IQCH: variants seen among roughly 807,000 people sequenced by gnomAD.
IQCH encodes the protein IQ domain-containing protein H.
IQCH carries 98 observed loss-of-function variants against 117.0 expected under a neutral mutation model. The observed-to-expected ratio is 0.84, with a 90% CI of 0.71 to 0.99. The LOEUF (loss-of-function observed/expected upper bound fraction) is 0.99, where lower values mean the gene tolerates loss of function less well. Ranked by LOEUF, IQCH falls within the 50% of genes least tolerant of loss-of-function variation. The pLI is 0.00. For missense variants in IQCH, 1,102 were observed against 1,243.8 expected, an observed-to-expected ratio of 0.89 and a Z score of 1.72; for synonymous variants, 412 against 448.2, an observed-to-expected ratio of 0.92 and a Z score of 1.02.
intron 4 of IQCH, among the ~76,000 whole-genome samples, chr15:67,299,286 G>T (rs1217738934): frequency 6.6e-6 from 1 of 151,934 alleles, no homozygotes; most frequent in Admixed American, 6.6e-5. Context: ...GTAGTGCGGG[G>T]CTTGGGGAGA....
intron 16 of IQCH, among the ~76,000 whole-genome samples, chr15:67,428,673 A>G (rs1320444574): frequency 6.6e-6 from 1 of 151,914 alleles, no homozygotes; most frequent in African/African-American, 2.4e-5. Flanking sequence ...ATATGGTGAA[A>G]CCCCATCTCT....
chr15:67,357,395 T>C lies in IQCH; in HGVS notation c.688T>C (p.Phe230Leu), dbSNP rs1969935240. 1 of 1,609,342 alleles carries C rather than the reference T, an allele frequency of 6.2e-7. No homozygotes were observed. Among genetic ancestry groups the C allele is most frequent in the Admixed American group, 1.7e-5 (1 of 60,006 alleles). The stretch of plus-strand genomic sequence containing the variant: ...ACCTCCATCTCCAGCAGAAGTGAAG[T>C]TCTTTCCCAAGAAACAAAGATCAAA... ...EPPPSPAEVK[F>L]FPKKQRSKGK... The change falls in exon 7 of 21, where the codon TTC (phenylalanine) becomes CTC (leucine). Residue 230 changes from phenylalanine (F) to leucine (L), a missense_variant. Phe to Leu is a conservative substitution (Grantham distance 22). Transcript: ENST00000335894.
Position 67,392,064 on chromosome 15 carries a change from G to T in IQCH, c.1632+3058G>T, listed in dbSNP as rs139085841. Among the ~76,000 whole-genome samples the T allele has an allele frequency of 3.3e-3, 501 of 152,264 alleles. 2 individuals carry two copies. Among genetic ancestry groups the T allele is most frequent in the Non-Finnish European group, 5.9e-3 (403 of 68,016 alleles). ...AGTGGCATGCCAACTGTGTTAACGG[G>T]GTTTGAATCCTGCCTCTGCTGTTTA... On this transcript the variant is annotated intron_variant, in intron 12 of 20. Coordinates refer to ENST00000335894, the MANE Select transcript of IQCH (RefSeq NM_001031715.3).
chr15:67,428,380 T>C (rs1014869413), intron 16 of IQCH, among the ~76,000 whole-genome samples: 7 of 152,188 alleles, frequency 4.6e-5, no homozygotes, highest in African/African-American at 1.7e-4. Context: ...GACAGCAAGA[T>C]TGAAGGTGGC....
In IQCH at chr15:67,282,069, A is replaced by G. The variant is rs78105576; in HGVS notation, c.387+2557A>G. On this transcript the variant is annotated intron_variant, in intron 4 of 20. Transcript: ENST00000335894. ...CCTGACATCAGAGAGCTTATATTCTAGTGGGGAAAGACAGACCATCAATAA... is the reference window on the plus strand; with the variant it reads ...CCTGACATCAGAGAGCTTATATTCTGGTGGGGAAAGACAGACCATCAATAA... 9.2e-3 allele frequency: 1,602 copies of G among 173,616 alleles called. 26 individuals are homozygous for G. The highest frequency in any genetic ancestry group is 0.036 in the African/African-American group (1,535 of 42,198). The allele number at this position is 173,616 out of a possible 1,614,324, so 10.8% of individuals were successfully genotyped here. A position where few individuals can be genotyped will look rare whatever the true frequency, so the allele number is the denominator to read the frequency against.
chr15:67,382,117 G>T (rs1319130187), intron 10 of IQCH, among the ~76,000 whole-genome samples: 1 of 152,116 alleles, frequency 6.6e-6, no homozygotes, highest in Non-Finnish European at 1.5e-5. Flanking sequence ...GTGATGCAGG[G>T]GAAAGAAGAA....
chr15:67,489,599 A>G (rs930855189), intron 18 of IQCH, among the ~76,000 whole-genome samples: 2 of 151,850 alleles, frequency 1.3e-5, no homozygotes, highest in Admixed American at 1.3e-4. Context: ...TACAGGCGTG[A>G]GTCACCGTGC....
chr15:67,405,182 G>GA lies in IQCH; in HGVS notation c.2097+4883dup, dbSNP rs997604149. ...TTTTAATCTAGATTTTCTAGGTTAAGAAAAAATCTAGGTTATTATTTTTTC... is the reference window on the plus strand; with the variant it reads ...TTTTAATCTAGATTTTCTAGGTTAAGAAAAAAATCTAGGTTATTATTTTTTC... On this transcript the variant is annotated intron_variant, in intron 14 of 20. Transcript: ENST00000335894. This position sits in a 1 kb window ranked among gnomAD's most constrained non-coding sequence, Gnocchi z 4.8. The GA allele has an allele frequency of 1.4e-4, 22 of 152,092 alleles. No individual in the cohort carries two copies. Among genetic ancestry groups the GA allele is most frequent in the African/African-American group, 5.3e-4 (22 of 41,508 alleles). 9.4% of individuals were successfully genotyped at this position (152,092 alleles called of 1,614,324 possible).
In IQCH at chr15:67,490,862, G is replaced by T. The variant is rs915694429; in HGVS notation, c.2861+798G>T. Among the ~76,000 whole-genome samples the T allele has an allele frequency of 6.6e-6, 1 of 152,206 alleles. No individual in the cohort carries two copies. The highest frequency in any genetic ancestry group is 2.4e-5 in the African/African-American group (1 of 41,454). ...CTGCTGGCAACACTCGGAGGCTTCC[G>T]CACTTCTCCCAGATTTCCCTCTGGG... On this transcript the variant is annotated intron_variant, in intron 19 of 20. Transcript: ENST00000335894. This position sits in a 1 kb window ranked among gnomAD's most constrained non-coding sequence, Gnocchi z 4.9.
At chr15:67,287,357 T>C (rs1166025585) in intron 4 of IQCH, among the ~76,000 whole-genome samples, 1 of 152,208 alleles carries the variant, frequency 6.6e-6, no homozygotes, top group Non-Finnish European at 1.5e-5. Flanking sequence ...TTAGTTCTTT[T>C]TTAAATATTT....
At chr15:67,480,865 G>T (rs10468041) in intron 18 of IQCH, among the ~76,000 whole-genome samples, 63,814 of 151,602 alleles carry the variant, frequency 0.42, 14,459 homozygotes, top group Non-Finnish European at 0.52. Context: ...TGTATATTAG[G>T]CATTGCCGAC....
intron 8 of IQCH, chr15:67,371,537 A>G: frequency 6.7e-7 from 1 of 1,484,960 alleles, no homozygotes; most frequent in Non-Finnish European, 9.3e-7. Flanking sequence ...GACAAAGGTG[A>G]TAACATATAA....
chr15:67,437,044 A>G (rs1299474149), intron 16 of IQCH, among the ~76,000 whole-genome samples: 1 of 151,890 alleles, frequency 6.6e-6, no homozygotes, highest in Admixed American at 6.6e-5. Flanking sequence ...TCTCCACACT[A>G]CTATAGCTGA....
chr15:67,490,697 T>C lies in IQCH; in HGVS notation c.2861+633T>C, dbSNP rs2083627152. Among the ~76,000 whole-genome samples the C allele has an allele frequency of 6.6e-6, 1 of 152,180 alleles. No individual in the cohort carries two copies. Among genetic ancestry groups the C allele is most frequent in the African/African-American group, 2.4e-5 (1 of 41,450 alleles). On this transcript the variant is annotated intron_variant, in intron 19 of 20. Coordinates refer to ENST00000335894, the MANE Select transcript of IQCH (RefSeq NM_001031715.3). This position sits in a 1 kb window ranked among gnomAD's most constrained non-coding sequence, Gnocchi z 4.9. Reference sequence around the variant, plus strand: ...CCTGCCTGTGGAAGGCAGTTGTCATTCTGGCATACTTAGAAAAGTGCTCTG... The same window carrying C: ...CCTGCCTGTGGAAGGCAGTTGTCATCCTGGCATACTTAGAAAAGTGCTCTG...
Position 67,279,366 on chromosome 15 carries a change from G to T in IQCH, c.270-29G>T. 3 of 1,214,172 alleles carry T rather than the reference G, an allele frequency of 2.5e-6. No homozygotes were observed. In the South Asian group the frequency reaches 3.9e-5, roughly 16 times the overall value. 75.2% of individuals were successfully genotyped at this position (1,214,172 alleles called of 1,614,324 possible). On this transcript the variant is annotated intron_variant, in intron 3 of 20. Coordinates refer to ENST00000335894, the MANE Select transcript of IQCH (RefSeq NM_001031715.3). The stretch of plus-strand genomic sequence containing the variant: ...GAAAAGCTTTTAAAATAGCAAATTT[G>T]ATTTTAAATTCCATTTCTTCTTACT...
In IQCH at chr15:67,421,322, C is replaced by G. The variant is rs749239401; in HGVS notation, c.2250C>G (p.Asp750Glu). The G allele has an allele frequency of 3.1e-6, 5 of 1,614,158 alleles. No homozygotes were observed. In the Admixed American group the frequency reaches 8.3e-5, roughly 27 times the overall value. Residue 750 changes from aspartate (D) to glutamate (E), a missense_variant, in exon 16 of 21, where the codon GAC becomes GAG. By Grantham distance (45) the Asp-to-Glu change is conservative (BLOSUM62 2). This residue lies in a region of IQCH where 650 missense variants were observed against 794.3 expected (regional missense o/e 0.82). Transcript: ENST00000335894. ...TGATCGAAGCATTCCCACCTGCAGA[C>G]AATGTCACCAACCTCACAGTGGACA... ...GGVIEAFPPA[D>E]NVTNLTVDML...
Position 67,416,092 on chromosome 15 carries a change from T to C in IQCH, c.2098-839T>C, listed in dbSNP as rs1247867874. Among the ~76,000 whole-genome samples the C allele has an allele frequency of 3.9e-5, 6 of 151,962 alleles. No homozygotes were observed. Among genetic ancestry groups the C allele is most frequent in the Admixed American group, 3.9e-4 (6 of 15,264 alleles). ...AATTTTTTTTAAAAATTAAAAAATA[T>C]ATGGAGGTGTCCAGGTGCGGTGGCT... On this transcript the variant is annotated intron_variant, in intron 14 of 20. Transcript: ENST00000335894. The surrounding 1 kb of genome is among the most constrained non-coding windows in gnomAD (Gnocchi z 5.1).
At position 67,331,728 on chromosome 15, in the gene IQCH, G is replaced by A. The variant is rs544004261; in HGVS notation, c.388-5247G>A. On this transcript the variant is annotated intron_variant, in intron 4 of 20. Transcript: ENST00000335894. Reference sequence around the variant, plus strand: ...TGCTCTACACAGTCATTCAAGATACGATTTCTTTCATCTTGATCTCCATCA... The same window carrying A: ...TGCTCTACACAGTCATTCAAGATACAATTTCTTTCATCTTGATCTCCATCA... 8.5e-5 allele frequency among the ~76,000 whole-genome samples: 13 copies of A among 152,282 alleles called. No individual in the cohort carries two copies. In the South Asian group the frequency reaches 1.5e-3, roughly 17 times the overall value.
chr15:67,304,515 A>G, intron 4 of IQCH: 1 of 835,842 alleles, frequency 1.2e-6, no homozygotes, highest in Non-Finnish European at 1.9e-6. Context: ...GTCATTTATT[A>G]GTAGTGTAAG....
Sources: allele counts gnomAD v4.1 joint callset (sites outside exome capture counted in the v4.1 genomes callset), GRCh38; gene constraint gnomAD v4.1.1; regional missense constraint gnomAD v4.1.1; non-coding constraint Gnocchi (gnomAD v3.1); transcripts MANE v1.5; gene names NCBI Gene and HGNC (gene_info 2026-07-23, HGNC 2026-07-21).